The following FAM241A variants were observed in gnomAD, a reference collection of about 807,000 sequenced individuals.
The protein encoded by FAM241A is family with sequence similarity 241 member A, also known as uncharacterized protein FAM241A.
FAM241A carries 7 observed loss-of-function variants against 12.2 expected under a neutral mutation model. That is an observed-to-expected ratio of 0.58 (90% CI 0.33 to 1.08). The LOEUF is 1.08. FAM241A is among the 50% of genes least tolerant of loss of function. FAM241A has a pLI of 0.04. For missense variants in FAM241A, 161 were observed against 169.7 expected (o/e 0.95, Z 0.29); for synonymous variants, 74 against 68.2 (o/e 1.08, Z -0.42).
chr4:112,179,351 A>G (rs879465365), intron 1 of FAM241A, among the ~76,000 whole-genome samples: 2 of 152,208 alleles, frequency 1.3e-5, no homozygotes, highest in Non-Finnish European at 2.9e-5. Context: ...AATGTGGCAC[A>G]TATACACCAT....
chr4:112,151,586 T>C (rs1723245864), intron 1 of FAM241A, among the ~76,000 whole-genome samples: 1 of 152,198 alleles, frequency 6.6e-6, no homozygotes, highest in African/African-American at 2.4e-5. Flanking sequence ...TAAGTGATGC[T>C]GATGCTGTGC....
chr4:112,179,943 ATGTGTGTGTGTGTG>A (rs35177969), intron 1 of FAM241A, among the ~76,000 whole-genome samples: 9 of 129,488 alleles, frequency 7.0e-5, no homozygotes, highest in South Asian at 2.3e-4. Flanking sequence ...ATATATGTAT[ATGTGTGTGTGTGTG>A]TGTATATATA....
intron 1 of FAM241A, among the ~76,000 whole-genome samples, chr4:112,162,648 C>G (rs934099644): frequency 1.3e-5 from 2 of 152,000 alleles, no homozygotes; most frequent in Non-Finnish European, 2.9e-5. Context: ...CACTGCTCAA[C>G]GAAATAAAAG....
At position 112,147,391 on chromosome 4, in the gene FAM241A, G is replaced by A. The variant is rs1299949401; in HGVS notation, c.153+1658G>A. On this transcript the variant is annotated intron_variant, in intron 1 of 1. Transcript: ENST00000309733. Reference sequence around the variant, plus strand: ...TAATTGAAAATCACACCGGAGATAGGCATTTCCTACTACATTAGCACCAAA... The same window carrying A: ...TAATTGAAAATCACACCGGAGATAGACATTTCCTACTACATTAGCACCAAA... Among the ~76,000 whole-genome samples the A allele has an allele frequency of 3.3e-5, 5 of 152,144 alleles. No homozygotes were observed. The East Asian group carries it at 9.6e-4, about 29-fold the overall frequency.
At chr4:112,151,839 C>T (rs987503059) in intron 1 of FAM241A, among the ~76,000 whole-genome samples, 4 of 152,124 alleles carry the variant, frequency 2.6e-5, no homozygotes, top group Admixed American at 6.5e-5. Flanking sequence ...CCCAGGTTTC[C>T]GAACACCAAA....
At chr4:112,179,937 A>ATATATATATATATATATATATATG (rs1491365952) in intron 1 of FAM241A, among the ~76,000 whole-genome samples, 1 of 120,364 alleles carries the variant, frequency 8.3e-6, no homozygotes, top group African/African-American at 3.0e-5. Flanking sequence ...ATATATATAT[A>ATATATATATATATATATATATATG]TGTATATGTG....
intron 1 of FAM241A, among the ~76,000 whole-genome samples, chr4:112,151,362 C>T (rs1412594700): frequency 1.3e-5 from 2 of 152,124 alleles, no homozygotes; most frequent in Non-Finnish European, 2.9e-5. Flanking sequence ...CACTATGTTT[C>T]GTGTACAGCC....
intron 1 of FAM241A, among the ~76,000 whole-genome samples, chr4:112,185,502 A>C (rs2110435957): frequency 6.6e-6 from 1 of 152,328 alleles, no homozygotes; most frequent in South Asian, 2.1e-4. Context: ...AAGTTTAAAA[A>C]CCACTGCACT....
intron 1 of FAM241A, among the ~76,000 whole-genome samples, chr4:112,164,763 G>T (rs1458564989): frequency 3.3e-5 from 5 of 152,086 alleles, no homozygotes. Flanking sequence ...TAGGAAAAAT[G>T]TCTAATAATT....
At chr4:112,184,662 C>T (rs573463325) in intron 1 of FAM241A, among the ~76,000 whole-genome samples, 2 of 152,260 alleles carry the variant, frequency 1.3e-5, no homozygotes, top group East Asian at 3.9e-4. Context: ...CATTACTGTA[C>T]ATAAATTACT....
intron 1 of FAM241A, among the ~76,000 whole-genome samples, chr4:112,173,867 A>G (rs560709760): frequency 1.2e-4 from 18 of 152,358 alleles, no homozygotes; most frequent in Admixed American, 5.2e-4. Context: ...ACAATGAGGT[A>G]AGGAATTCAG....
chr4:112,151,783 A>T (rs1723249161), intron 1 of FAM241A, among the ~76,000 whole-genome samples: 1 of 152,176 alleles, frequency 6.6e-6, no homozygotes, highest in African/African-American at 2.4e-5. Flanking sequence ...AGGCCACGTT[A>T]TTTGCTGTAG....
rs1724151624 is a variant in FAM241A, at chr4:112,190,748, A to C, written c.*3810A>C. The C allele has an allele frequency of 6.6e-6, 1 of 152,122 alleles. No homozygotes were observed. The highest frequency in any genetic ancestry group is 1.5e-5 in the Non-Finnish European group (1 of 68,132). The allele number at this position is 152,122 out of a possible 1,614,324, so 9.4% of individuals were successfully genotyped here. ...TGCCTGGTAATAGAGTTGGCCGAGA[A>C]GAATATAAACTTATTTACAAACTAT... On this transcript the variant is annotated 3_prime_UTR_variant, in exon 2 of 2. Coordinates refer to ENST00000309733, the MANE Select transcript of FAM241A (RefSeq NM_152400.3).
chr4:112,184,837 GA>G (rs1397617773), intron 1 of FAM241A, among the ~76,000 whole-genome samples: 4 of 151,804 alleles, frequency 2.6e-5, no homozygotes, highest in Admixed American at 6.6e-5. Context: ...TTTCTTTAAT[GA>G]AAAAAATATT....
chr4:112,145,546 G>A lies in FAM241A; in HGVS notation c.-35G>A. ...CTGGTGCGTCGCGGCGTGGTCCTCC[G>A]GCGGCTGTCCGGGGCGGTAGGAGTT... On this transcript the variant is annotated 5_prime_UTR_variant, in exon 1 of 2. Coordinates refer to ENST00000309733, the MANE Select transcript of FAM241A (RefSeq NM_152400.3). 8.1e-7 allele frequency: 1 copy of A among 1,237,524 alleles called. No homozygotes were observed. Among genetic ancestry groups the A allele is most frequent in the Non-Finnish European group, 1.0e-6 (1 of 988,840 alleles). The allele number at this position is 1,237,524 out of a possible 1,614,324, so 76.7% of individuals were successfully genotyped here.
chr4:112,175,860 G>T (rs1723810187), intron 1 of FAM241A, among the ~76,000 whole-genome samples: 1 of 152,116 alleles, frequency 6.6e-6, no homozygotes, highest in Non-Finnish European at 1.5e-5. Flanking sequence ...CTAAAAGCAG[G>T]TAAAGTATGG....
chr4:112,152,942 C>T (rs988700516), intron 1 of FAM241A, among the ~76,000 whole-genome samples: 18 of 152,140 alleles, frequency 1.2e-4, no homozygotes, highest in Non-Finnish European at 2.9e-5. Context: ...CACATGGAGG[C>T]ACTCAATAAA....
At chr4:112,169,139 A>T (rs1723665304) in intron 1 of FAM241A, among the ~76,000 whole-genome samples, 2 of 152,240 alleles carry the variant, frequency 1.3e-5, no homozygotes, top group South Asian at 4.1e-4. Flanking sequence ...TTACAAAATC[A>T]TGAATGTTGA....
chr4:112,182,904 A>G (rs1723967443), intron 1 of FAM241A, among the ~76,000 whole-genome samples: 1 of 151,824 alleles, frequency 6.6e-6, no homozygotes, highest in African/African-American at 2.4e-5. Context: ...CTGTAATGAG[A>G]TTGACTATAA....
Sources: gnomAD v4.1 joint callset for allele counts (sites outside exome capture counted in the v4.1 genomes callset) on GRCh38, gnomAD v4.1.1 for gene constraint, MANE v1.5 for transcripts, NCBI Gene and HGNC (gene_info 2026-07-23, HGNC 2026-07-21) for gene names.